Variants in HCK observed in about 807,000 individuals in gnomAD.
HCK encodes tyrosine-protein kinase HCK.
In HCK, 40 loss-of-function variants were observed where a neutral mutation model predicts 70.4. The ratio of observed to expected loss-of-function variants is 0.57; its 90% CI spans 0.44 to 0.74. The LOEUF (loss-of-function observed/expected upper bound fraction) is 0.74. Ranked by LOEUF, HCK falls within the 30% of genes least tolerant of loss-of-function variation. HCK has a pLI of 0.00. For synonymous variants in HCK, 245 were observed against 263.2 expected, an observed-to-expected ratio of 0.93 and a Z score of 0.67; for missense variants, 568 against 697.2, an observed-to-expected ratio of 0.81 and a Z score of 2.09.
intron 1 of HCK, among the ~76,000 whole-genome samples, chr20:32,063,261 G>C (rs1789739965): frequency 5.3e-5 from 8 of 152,264 alleles, no homozygotes; most frequent in Admixed American, 2.6e-4. Context: ...GATACCAGGT[G>C]CTTCTTTTTT....
At chr20:32,073,648 G>A (rs2045576680) in intron 3 of HCK, 68 bp from the exon 4 acceptor site, 1 of 1,084,756 alleles carries the variant, frequency 9.2e-7, no homozygotes, top group South Asian at 1.4e-5. Context: ...CAGGTGCCGG[G>A]TGAGGGTCAC....
At chr20:32,059,168 G>A (rs1007017856) in intron 1 of HCK, among the ~76,000 whole-genome samples, 1 of 152,238 alleles carries the variant, frequency 6.6e-6, no homozygotes, top group Non-Finnish European at 1.5e-5. Context: ...CAGAGGCAGA[G>A]GCTGAGGCCA....
At chr20:32,101,041 G>A (rs6087816) in intron 12 of HCK, among the ~76,000 whole-genome samples, 14,259 of 152,152 alleles carry the variant, frequency 0.094, 1,366 homozygotes, top group African/African-American at 0.24. Context: ...TGAAGGGTGC[G>A]TTCTCCAAAG....
chr20:32,071,147 T>C (rs759247467), intron 1 of HCK, among the ~76,000 whole-genome samples: 11 of 152,232 alleles, frequency 7.2e-5, no homozygotes, highest in Admixed American at 3.3e-4. Flanking sequence ...TTTTCTGTAG[T>C]GTTTGCTCTG....
chr20:32,091,080 C>T (rs1242857786), intron 10 of HCK, among the ~76,000 whole-genome samples: 2 of 152,192 alleles, frequency 1.3e-5, no homozygotes, highest in South Asian at 4.1e-4. Flanking sequence ...TGCTTGACAT[C>T]ACAGAGCTGC....
chr20:32,061,278 A>G (rs951940860), intron 1 of HCK, among the ~76,000 whole-genome samples: 3 of 152,150 alleles, frequency 2.0e-5, no homozygotes, highest in Non-Finnish European at 2.9e-5. Flanking sequence ...CACTGCGCCC[A>G]GCTGCCGTGC....
chr20:32,055,473 T>C (rs1020134431), intron 1 of HCK, among the ~76,000 whole-genome samples: 1 of 152,250 alleles, frequency 6.6e-6, no homozygotes. Flanking sequence ...AGTATAATGC[T>C]ACACATAGAT....
intron 12 of HCK, among the ~76,000 whole-genome samples, chr20:32,099,700 C>T (rs1299895282): frequency 6.6e-6 from 1 of 152,006 alleles, no homozygotes; most frequent in African/African-American, 2.4e-5. Context: ...TTTGGCCACT[C>T]GACTCCAAAA....
intron 7 of HCK, 72 bp downstream of exon 7, chr20:32,084,115 G>T: frequency 2.6e-6 from 4 of 1,518,958 alleles, no homozygotes; most frequent in Non-Finnish European, 2.7e-6. Flanking sequence ...ATGCACTGTG[G>T]CCCCTGAGAC....
chr20:32,059,574 G>T (rs1397476710), intron 1 of HCK, among the ~76,000 whole-genome samples: 1 of 151,194 alleles, frequency 6.6e-6, no homozygotes, highest in Non-Finnish European at 1.5e-5. Context: ...GGAGTGCAGT[G>T]ATGCTATCAT....
At chr20:32,065,001 T>C (rs912314285) in intron 1 of HCK, among the ~76,000 whole-genome samples, 14 of 152,254 alleles carry the variant, frequency 9.2e-5, no homozygotes, top group African/African-American at 3.1e-4. Context: ...GAAATGCGTA[T>C]GCAGAAGTTT....
At chr20:32,085,144 T>C (rs540468721) in intron 8 of HCK, among the ~76,000 whole-genome samples, 12 of 152,332 alleles carry the variant, frequency 7.9e-5, no homozygotes, top group Admixed American at 7.2e-4. Flanking sequence ...GAAGACAACT[T>C]ACAGGGATGC....
At chr20:32,052,796 G>GGGTT (rs1568945704) in intron 1 of HCK, among the ~76,000 whole-genome samples, 2 of 110,992 alleles carry the variant, frequency 1.8e-5, no homozygotes, top group African/African-American at 1.1e-4. Flanking sequence ...GGGGGGCGGG[G>GGGTT]ATTTTTTTTT....
intron 1 of HCK, among the ~76,000 whole-genome samples, chr20:32,063,081 T>A (rs927593828): frequency 4.6e-5 from 7 of 152,192 alleles, no homozygotes; most frequent in African/African-American, 1.7e-4. Flanking sequence ...GAGTGCCAGT[T>A]TGACCTACCA....
At chr20:32,056,132 TG>T (rs1185298094) in intron 1 of HCK, among the ~76,000 whole-genome samples, 2 of 152,266 alleles carry the variant, frequency 1.3e-5, no homozygotes, top group Non-Finnish European at 1.5e-5. Flanking sequence ...GCTATGAGCA[TG>T]CATGTGCATA....
At chr20:32,077,306 C>A (rs189041036) in intron 5 of HCK, among the ~76,000 whole-genome samples, 2 of 152,234 alleles carry the variant, frequency 1.3e-5, no homozygotes, top group African/African-American at 4.8e-5. Flanking sequence ...GGGAAGCATG[C>A]AGAAGAGTGA....
intron 11 of HCK, among the ~76,000 whole-genome samples, chr20:32,094,797 GA>G (rs1176663943): frequency 3.0e-5 from 1 of 33,274 alleles, no homozygotes; most frequent in African/African-American, 7.3e-5. Context: ...GAGAAAGAAA[GA>G]AAGAAAGAAA....
intron 6 of HCK, among the ~76,000 whole-genome samples, chr20:32,081,324 T>C (rs1055560892): frequency 1.3e-5 from 2 of 152,154 alleles, no homozygotes; most frequent in African/African-American, 4.8e-5. Flanking sequence ...ATTGGGTGCA[T>C]GGATGGCAAG....
Position 32,086,712 on chromosome 20 carries a change from A to G in HCK, c.920A>G (p.Asn307Ser). The G allele has an allele frequency of 6.2e-7, 1 of 1,613,378 alleles. No individual in the cohort carries two copies. Among genetic ancestry groups the G allele is most frequent in the Admixed American group, 1.7e-5 (1 of 59,820 alleles). Residue 307 changes from asparagine to serine, a missense_variant, in exon 9 of 13, where the codon AAC (asparagine) becomes AGC (serine). Asn to Ser is a conservative substitution (Grantham distance 46, BLOSUM62 1). Transcript: ENST00000375852. ...GTGGAGGCCTTCCTGGCAGAGGCCA[A>G]CGTGATGAAAACTCTGCAGCATGAC...
Sources: allele counts gnomAD v4.1 joint callset (sites outside exome capture counted in the v4.1 genomes callset), GRCh38; gene constraint gnomAD v4.1.1; transcripts MANE v1.5; gene names NCBI Gene and HGNC (gene_info 2026-07-23, HGNC 2026-07-21).